The following NDST4 variants were observed in gnomAD, a reference collection of about 807,000 sequenced individuals.
The protein encoded by NDST4 is N-heparan sulfate sulfotransferase 4.
A neutral mutation model predicts 100.8 loss-of-function variants in NDST4; 63 were observed. The observed-to-expected ratio is 0.62, with a 90% confidence interval of 0.51 to 0.77. NDST4 has a LOEUF of 0.77. Ranked by LOEUF, NDST4 falls within the 30% of genes least tolerant of loss-of-function variation. NDST4 has a pLI of 0.00. For missense variants in NDST4, 943 were observed against 1,018.4 expected, an observed-to-expected ratio of 0.93 and a Z score of 1.01; for synonymous variants, 377 against 361.8, an observed-to-expected ratio of 1.04 and a Z score of -0.48.
chr4:114,968,344 G>A lies in NDST4; in HGVS notation c.1221+2086C>T, dbSNP rs1435098005. On this transcript the variant is annotated intron_variant, in intron 4 of 13. Transcript: ENST00000264363. ...CTAACTAGGAACTAGGGTCTTTGCT[G>A]GATTCACAAACCCTTTGTGATTGTA... Among the ~76,000 whole-genome samples the A allele has an allele frequency of 5.3e-5, 8 of 152,170 alleles. No individual in the cohort carries two copies. The East Asian group carries it at 1.5e-3, about 29-fold the overall frequency.
intron 4 of NDST4, among the ~76,000 whole-genome samples, chr4:114,969,617 C>T (rs988584892): frequency 2.0e-5 from 3 of 152,066 alleles, no homozygotes; most frequent in Non-Finnish European, 4.4e-5. Flanking sequence ...GCCTCTAGCC[C>T]CATCCATGTT....
intron 4 of NDST4, among the ~76,000 whole-genome samples, chr4:114,954,489 A>C (rs1274667113): frequency 6.6e-6 from 1 of 152,196 alleles, no homozygotes; most frequent in African/African-American, 2.4e-5. Context: ...AAATGATCTC[A>C]TCCTTTGGAA....
At chr4:115,012,732 C>T (rs770259077) in intron 2 of NDST4, among the ~76,000 whole-genome samples, 1 of 79,100 alleles carries the variant, frequency 1.3e-5, no homozygotes, top group Non-Finnish European at 2.7e-5. Flanking sequence ...AAAGAAATAC[C>T]TGTACTCTCA....
intron 4 of NDST4, among the ~76,000 whole-genome samples, chr4:114,954,842 C>T (rs1257175172): frequency 2.0e-5 from 3 of 152,060 alleles, no homozygotes; most frequent in Admixed American, 2.0e-4. Context: ...TGGCACTGTC[C>T]TTGCAATAGT....
chr4:115,089,742 C>T (rs1182931863), intron 1 of NDST4, among the ~76,000 whole-genome samples: 2 of 151,786 alleles, frequency 1.3e-5, no homozygotes, highest in African/African-American at 2.4e-5. Context: ...AATTGACGTT[C>T]AATGTTATAA....
intron 6 of NDST4, among the ~76,000 whole-genome samples, chr4:114,884,187 C>T (rs964706837): frequency 2.4e-4 from 36 of 152,102 alleles, no homozygotes; most frequent in African/African-American, 7.2e-4. Context: ...CACACATATG[C>T]TCACACACAC....
At chr4:114,936,323 T>C (rs1040289419) in intron 5 of NDST4, among the ~76,000 whole-genome samples, 1 of 152,302 alleles carries the variant, frequency 6.6e-6, no homozygotes. Context: ...GGCCTTCTGG[T>C]ACCAATTTGC....
At chr4:114,909,669 C>CAAAAAAAAAAAAAAAA (rs773267929) in intron 6 of NDST4, among the ~76,000 whole-genome samples, 25 of 61,618 alleles carry the variant, frequency 4.1e-4, no homozygotes, top group Non-Finnish European at 6.8e-4. Flanking sequence ...GACTCCGTCT[C>CAAAAAAAAAAAAAAAA]AAAAAAAAAA....
At chr4:114,979,887 C>T (rs1295167962) in intron 2 of NDST4, among the ~76,000 whole-genome samples, 1 of 151,974 alleles carries the variant, frequency 6.6e-6, no homozygotes, top group Non-Finnish European at 1.5e-5. Context: ...TCAAGGCTTC[C>T]TTGTTTAGTA....
intron 2 of NDST4, among the ~76,000 whole-genome samples, chr4:115,024,522 A>G (rs990453775): frequency 5.3e-5 from 8 of 152,104 alleles, no homozygotes; most frequent in Non-Finnish European, 8.8e-5. Context: ...TTCAAATGGG[A>G]ATGCCTCTCC....
rs537914825 is a variant in NDST4 at position 114,868,026 on chromosome 4, C to T, written c.1719+2742G>A. On this transcript the variant is annotated intron_variant, in intron 7 of 13. Transcript: ENST00000264363. ...GGTAGTTGGTGCTAATGAAACTTTA[C>T]ATGAGGAACCAAAGGAAATTAAATA... 5.3e-5 allele frequency among the ~76,000 whole-genome samples: 8 copies of T among 152,250 alleles called. No individual in the cohort carries two copies. In the East Asian group the frequency reaches 1.5e-3, roughly 29 times the overall value.
chr4:114,925,626 C>T (rs1725371901), intron 6 of NDST4, among the ~76,000 whole-genome samples: 1 of 152,102 alleles, frequency 6.6e-6, no homozygotes, highest in Non-Finnish European at 1.5e-5. Flanking sequence ...TTATACTCTA[C>T]TGTCAATTTC....
intron 1 of NDST4, among the ~76,000 whole-genome samples, chr4:115,101,933 A>T (rs1335728341): frequency 6.6e-6 from 1 of 152,138 alleles, no homozygotes; most frequent in East Asian, 1.9e-4. Context: ...GCCATTAAAA[A>T]ATGAGAGGAT....
chr4:114,985,712 A>C (rs1408507556), intron 2 of NDST4, among the ~76,000 whole-genome samples: 1 of 152,180 alleles, frequency 6.6e-6, no homozygotes, highest in Admixed American at 6.6e-5. Flanking sequence ...TTTAATTACA[A>C]ATTGTTACTA....
chr4:114,829,043 AC>A (rs1399987455), intron 13 of NDST4, among the ~76,000 whole-genome samples: 1 of 151,552 alleles, frequency 6.6e-6, no homozygotes, highest in Non-Finnish European at 1.5e-5. Context: ...GATTTCTGAA[AC>A]CCTTTTGAAG....
chr4:114,868,050 T>C (rs190972007), intron 7 of NDST4, among the ~76,000 whole-genome samples: 1 of 152,310 alleles, frequency 6.6e-6, no homozygotes, highest in East Asian at 1.9e-4. Flanking sequence ...GGAAATTAAA[T>C]AGATGTGAAT....
At chr4:114,912,246 CACTT>C (rs1440909378) in intron 6 of NDST4, among the ~76,000 whole-genome samples, 2 of 152,136 alleles carry the variant, frequency 1.3e-5, no homozygotes, top group South Asian at 4.1e-4. Context: ...AAGTCTCTGA[CACTT>C]ACACACAATT....
At chr4:115,064,309 T>A (rs1234112574) in intron 2 of NDST4, among the ~76,000 whole-genome samples, 1 of 151,972 alleles carries the variant, frequency 6.6e-6, no homozygotes, top group Non-Finnish European at 1.5e-5. Context: ...CACATAAAAC[T>A]AAATAAAATT....
chr4:114,862,472 C>T (rs1460237353), intron 7 of NDST4, among the ~76,000 whole-genome samples: 1 of 152,158 alleles, frequency 6.6e-6, no homozygotes. Flanking sequence ...TAGATGTTCA[C>T]TTCATTTGCT....
Sources: allele counts gnomAD v4.1 joint callset (sites outside exome capture counted in the v4.1 genomes callset), GRCh38; gene constraint gnomAD v4.1.1; transcripts MANE v1.5; gene names NCBI Gene and HGNC (gene_info 2026-07-23, HGNC 2026-07-21).